The following SCAPER variants were observed in gnomAD, a reference collection of about 807,000 sequenced individuals.
SCAPER encodes S phase cyclin A-associated protein in the endoplasmic reticulum.
Under a neutral mutation model 182.2 loss-of-function variants are expected in SCAPER, and 98 were observed. The observed-to-expected ratio is 0.54, with a 90% confidence interval of 0.46 to 0.64. The LOEUF is 0.64. SCAPER is among the 30% of genes least tolerant of loss of function. The pLI is 0.00. For missense variants in SCAPER, 1,432 were observed against 1,690.0 expected (o/e 0.85, Z 2.68); for synonymous variants, 605 against 564.6 (o/e 1.07, Z -1.01).
chr15:76,496,037 C>T (rs1184248457), intron 24 of SCAPER, among the ~76,000 whole-genome samples: 1 of 146,884 alleles, frequency 6.8e-6, no homozygotes, highest in Admixed American at 6.8e-5. Flanking sequence ...CACACACACA[C>T]ACAGAATGAG....
At chr15:76,754,629 C>G (rs2062301319) in intron 14 of SCAPER, among the ~76,000 whole-genome samples, 1 of 151,998 alleles carries the variant, frequency 6.6e-6, no homozygotes, top group African/African-American at 2.4e-5. Flanking sequence ...AAATAAGATT[C>G]AGCACCAATG....
At position 76,588,061 on chromosome 15, in the gene SCAPER, A is replaced by G. The variant is rs113928574; in HGVS notation, c.2712-13777T>C. On this transcript the variant is annotated intron_variant, in intron 22 of 31. Transcript: ENST00000563290. ...CTCAGCCTCCCGAGTAGCTGGGACTACAAGCGCCCACCACCATGCCTGGCT... is the reference window on the plus strand; with the variant it reads ...CTCAGCCTCCCGAGTAGCTGGGACTGCAAGCGCCCACCACCATGCCTGGCT... 8.0e-3 allele frequency among the ~76,000 whole-genome samples: 1,223 copies of G among 152,124 alleles called. 11 individuals carry two copies. Among genetic ancestry groups the G allele is most frequent in the African/African-American group, 0.028 (1,161 of 41,500 alleles).
At chr15:76,475,594 T>C (rs1291852157) in intron 24 of SCAPER, among the ~76,000 whole-genome samples, 1 of 152,216 alleles carries the variant, frequency 6.6e-6, no homozygotes, top group Non-Finnish European at 1.5e-5. Context: ...ATTACAGGCG[T>C]GAGCCACCAT....
intron 22 of SCAPER, chr15:76,586,555 C>A (rs2145594229): frequency 6.6e-6 from 1 of 152,592 alleles, no homozygotes; most frequent in East Asian, 1.9e-4. Context: ...ATGAACAGAG[C>A]TAGAAAATAA....
chr15:76,804,675 G>T, intron 5 of SCAPER, 42 bp from the exon 6 acceptor site: 1 of 1,312,246 alleles, frequency 7.6e-7, no homozygotes, highest in Non-Finnish European at 1.1e-6. Flanking sequence ...TCCAGTCTGA[G>T]ACTAAAAACT....
intron 29 of SCAPER, among the ~76,000 whole-genome samples, chr15:76,359,316 C>T (rs1267669597): frequency 9.2e-5 from 14 of 152,138 alleles, no homozygotes; most frequent in Admixed American, 7.2e-4. Context: ...TTTCGTGCCA[C>T]GTAGGAAGCC....
At chr15:76,667,650 A>AC (rs1348736255) in intron 20 of SCAPER, among the ~76,000 whole-genome samples, 5 of 103,840 alleles carry the variant, frequency 4.8e-5, no homozygotes, top group African/African-American at 1.1e-4. Context: ...AAAAAAAAAA[A>AC]AAAAAAAAAA....
rs1209996941 is a variant in SCAPER, at chr15:76,595,797, G to A, written c.2712-21513C>T. On this transcript the variant is annotated intron_variant, in intron 22 of 31. Transcript: ENST00000563290. ...AAATACAAAATGTTCCAGAATCTCT[G>A]GGACACTGCCAAAGCAGAGTTTAGA... Among the ~76,000 whole-genome samples, 2 of 122,122 alleles carry A rather than the reference G, an allele frequency of 1.6e-5. 1 individual carries two copies. The allele number at this position is 122,122 out of a possible 152,430, so 80.1% of individuals were successfully genotyped here.
At chr15:76,876,339 C>A (rs923004620) in intron 2 of SCAPER, among the ~76,000 whole-genome samples, 2 of 151,234 alleles carry the variant, frequency 1.3e-5, no homozygotes, top group East Asian at 3.9e-4. Flanking sequence ...CAAGAGTGAG[C>A]GAGGGCTGCG....
intron 24 of SCAPER, among the ~76,000 whole-genome samples, chr15:76,502,094 T>C (rs1398696774): frequency 6.6e-6 from 1 of 152,198 alleles, no homozygotes; most frequent in African/African-American, 2.4e-5. Context: ...GAGTCAATGC[T>C]GGATGCCCAC....
intron 15 of SCAPER, among the ~76,000 whole-genome samples, chr15:76,746,181 T>G (rs552993599): frequency 6.6e-6 from 1 of 152,136 alleles, no homozygotes; most frequent in African/African-American, 2.4e-5. Context: ...AAACGATGAA[T>G]AAAAATGAAC....
intron 20 of SCAPER, among the ~76,000 whole-genome samples, chr15:76,693,004 T>C (rs1241047323): frequency 1.3e-5 from 2 of 152,140 alleles, no homozygotes; most frequent in African/African-American, 4.8e-5. Context: ...CAATTACCGA[T>C]TGAGAGGGTT....
chr15:76,721,994 T>TG (rs2060274069), intron 17 of SCAPER, among the ~76,000 whole-genome samples: 1 of 152,196 alleles, frequency 6.6e-6, no homozygotes, highest in Admixed American at 6.5e-5. Flanking sequence ...AGGGCATCCC[T>TG]GTCTTGTGCC....
chr15:76,626,344 C>A (rs2146175970), intron 21 of SCAPER, among the ~76,000 whole-genome samples: 1 of 152,046 alleles, frequency 6.6e-6, no homozygotes, highest in Non-Finnish European at 1.5e-5. Flanking sequence ...GAGGGGGATA[C>A]AAAGAGGTAT....
At chr15:76,688,795 T>C in intron 20 of SCAPER, among the ~76,000 whole-genome samples, 1 of 151,650 alleles carries the variant, frequency 6.6e-6, no homozygotes, top group East Asian at 1.9e-4. Flanking sequence ...ATATCTGTTT[T>C]GGTACCAGTA....
chr15:76,576,583 C>T (rs1040739604), intron 22 of SCAPER, among the ~76,000 whole-genome samples: 3 of 152,146 alleles, frequency 2.0e-5, no homozygotes, highest in East Asian at 1.9e-4. Context: ...TAATAAGAAC[C>T]GAAAGTTGTG....
At chr15:76,836,997 C>A (rs762765694) in intron 5 of SCAPER, among the ~76,000 whole-genome samples, 5 of 151,990 alleles carry the variant, frequency 3.3e-5, no homozygotes, top group Admixed American at 6.6e-5. Flanking sequence ...AACAAAATCC[C>A]CAAAAGCAAT....
At chr15:76,670,008 C>A (rs11633309) in intron 20 of SCAPER, among the ~76,000 whole-genome samples, 33,938 of 152,046 alleles carry the variant, frequency 0.22, 4,473 homozygotes, top group East Asian at 0.48. Flanking sequence ...AGAATCATAT[C>A]TTTATTATAG....
intron 23 of SCAPER, among the ~76,000 whole-genome samples, chr15:76,571,063 C>G (rs1267365162): frequency 6.6e-6 from 1 of 152,120 alleles, no homozygotes; most frequent in Non-Finnish European, 1.5e-5. Flanking sequence ...TATTAGACCT[C>G]ATACCTAGGC....
Sources: gnomAD v4.1 joint callset for allele counts (sites outside exome capture counted in the v4.1 genomes callset) on GRCh38, gnomAD v4.1.1 for gene constraint, MANE v1.5 for transcripts, NCBI Gene and HGNC (gene_info 2026-07-23, HGNC 2026-07-21) for gene names.